The following SYNE2 variants were observed in gnomAD, a reference collection of about 807,000 sequenced individuals.
SYNE2 encodes nesprin-2.
SYNE2 carries 431 observed loss-of-function variants against 856.3 expected under a neutral mutation model. The ratio of observed to expected loss-of-function variants is 0.50; its 90% CI spans 0.47 to 0.55. The LOEUF is 0.55. SYNE2 is among the 20% of genes least tolerant of loss of function. SYNE2 has a pLI of 0.00. For synonymous variants in SYNE2, 2,923 were observed against 2,872.3 expected, an observed-to-expected ratio of 1.02 and a Z score of -0.56; for missense variants, 8,129 against 8,023.2, an observed-to-expected ratio of 1.01 and a Z score of -0.50.
At chr14:64,034,482 C>T in intron 45 of SYNE2, 1 of 495,890 alleles carries the variant, frequency 2.0e-6, no homozygotes. Flanking sequence ...TAGTAAATGT[C>T]ATTAATCTTA....
intron 7 of SYNE2, among the ~76,000 whole-genome samples, chr14:63,953,841 T>C (rs2096203726): frequency 6.6e-6 from 1 of 152,250 alleles, no homozygotes; most frequent in Admixed American, 6.5e-5. Flanking sequence ...TCATGTGGTA[T>C]TTGTCCTTTT....
At chr14:64,151,109 T>G (rs2098237840) in intron 84 of SYNE2, among the ~76,000 whole-genome samples, 1 of 152,190 alleles carries the variant, frequency 6.6e-6, no homozygotes, top group South Asian at 2.1e-4. Flanking sequence ...TCATCCGTTC[T>G]TACTCCCAAA....
chr14:64,065,498 T>C lies in SYNE2; in HGVS notation c.10279T>C (p.Leu3427=). The change falls in exon 51 of 116, where the codon TTG becomes CTG. Residue 3427 remains leucine (L), a synonymous_variant. Coordinates refer to ENST00000555002, the MANE Select transcript of SYNE2 (RefSeq NM_182914.3). The stretch of plus-strand genomic sequence containing the variant: ...GAAACTACGACAGATCCTTAGACTC[T>C]TGAGACTCAGGTGCACAGAAAATGA... The part of the protein sequence containing the change: ...LMKLRQILRL[L]RLRCTENDGI... 1 of 1,614,170 alleles carries C rather than the reference T, an allele frequency of 6.2e-7. No individual in the cohort carries two copies. The highest frequency in any genetic ancestry group is 1.1e-5 in the South Asian group (1 of 91,084).
chr14:64,004,360 T>G (rs751746420), intron 30 of SYNE2, among the ~76,000 whole-genome samples: 16 of 151,864 alleles, frequency 1.1e-4, no homozygotes, highest in Non-Finnish European at 1.6e-4. Flanking sequence ...AGACAGAGTC[T>G]TGCTCTGTTG....
intron 94 of SYNE2, among the ~76,000 whole-genome samples, chr14:64,171,387 GCAGA>G (rs2098409863): frequency 6.6e-6 from 1 of 152,132 alleles, no homozygotes; most frequent in African/African-American, 2.4e-5. Context: ...TCTCATAAGG[GCAGA>G]CAAAGTAGTA....
chr14:64,155,616 C>G (rs2098279698), intron 85 of SYNE2, among the ~76,000 whole-genome samples: 1 of 151,146 alleles, frequency 6.6e-6, no homozygotes, highest in South Asian at 2.1e-4. Flanking sequence ...CACAGATCAT[C>G]CATCTATAAG....
chr14:63,965,914 T>C (rs1332529167), intron 10 of SYNE2, among the ~76,000 whole-genome samples: 1 of 152,226 alleles, frequency 6.6e-6, no homozygotes, highest in Non-Finnish European at 1.5e-5. Flanking sequence ...TTCTCACATA[T>C]GTCTTTGATT....
intron 40 of SYNE2, 21 bp downstream of exon 40, chr14:64,025,052 A>C: frequency 6.2e-7 from 1 of 1,614,028 alleles, no homozygotes; most frequent in Non-Finnish European, 8.5e-7. Flanking sequence ...TCTTGTATGA[A>C]ATACATTACC....
intron 83 of SYNE2, among the ~76,000 whole-genome samples, chr14:64,145,193 C>A (rs1295434400): frequency 6.6e-6 from 1 of 151,784 alleles, no homozygotes; most frequent in Non-Finnish European, 1.5e-5. Context: ...TCCCAAAATG[C>A]TGGGATTACA....
At chr14:63,853,926 G>C (rs962839022) in intron 1 of SYNE2, among the ~76,000 whole-genome samples, 1 of 152,182 alleles carries the variant, frequency 6.6e-6, no homozygotes, top group Non-Finnish European at 1.5e-5. Context: ...AGGGCGGGGC[G>C]GGGGCTGTGT....
chr14:64,078,422 C>T, intron 54 of SYNE2, 44 bp from the exon 55 acceptor site: 1 of 1,609,886 alleles, frequency 6.2e-7, no homozygotes, highest in Non-Finnish European at 8.5e-7. Context: ...GAATAAAGTG[C>T]AGACAACCTC....
chr14:63,957,734 G>A (rs1192334683), intron 8 of SYNE2, among the ~76,000 whole-genome samples: 3 of 152,076 alleles, frequency 2.0e-5, no homozygotes, highest in African/African-American at 7.2e-5. Flanking sequence ...GGGTGTGGTG[G>A]TGCATGCCTG....
rs576831715 is a variant in SYNE2 at position 64,178,578 on chromosome 14, C to A, written c.17556+1095C>A. Among the ~76,000 whole-genome samples the A allele has an allele frequency of 5.3e-5, 8 of 151,890 alleles. No individual in the cohort carries two copies. In the South Asian group the frequency reaches 1.0e-3, roughly 20 times the overall value. On this transcript the variant is annotated intron_variant, in intron 96 of 115. Coordinates refer to ENST00000555002, the MANE Select transcript of SYNE2 (RefSeq NM_182914.3). ...GCTCAAGCGATCCTCCTACCTCAGC[C>A]CCCCCGAGTAGCCCAGAGTACAGGC...
chr14:63,892,050 A>G (rs1255339418), intron 1 of SYNE2, among the ~76,000 whole-genome samples: 1 of 152,188 alleles, frequency 6.6e-6, no homozygotes, highest in Non-Finnish European at 1.5e-5. Context: ...TGGCTGTCAT[A>G]AGTGTTTGCT....
At chr14:64,158,848 G>T in intron 86 of SYNE2, 53 bp downstream of exon 86, 1 of 1,590,112 alleles carries the variant, frequency 6.3e-7, no homozygotes, top group Non-Finnish European at 8.6e-7. Context: ...ATTACAAATG[G>T]GAGGAAGCAC....
At chr14:63,990,911 G>A (rs764300508) in intron 20 of SYNE2, 31 bp from the exon 21 acceptor site, 16 of 1,596,162 alleles carry the variant, frequency 1.0e-5, no homozygotes, top group Non-Finnish European at 1.4e-5. Context: ...ATTGGTCCCC[G>A]TGTTAATTTG....
Position 64,214,346 on chromosome 14 carries a change from G to A in SYNE2, c.19209G>A (p.Arg6403=), listed in dbSNP as rs767401015. The change falls in exon 106 of 116, where the codon CGG becomes CGA. Residue 6403 remains arginine (R), a synonymous_variant. Transcript: ENST00000555002. ...ATCTAGTGGCCCCAGGGCACGAGCG[G>A]TCTGGCTGCGAGACCCCTGTCAGCG... The part of the protein sequence containing the change: ...LCHLVAPGHE[R]SGCETPVSVD... 1 of 1,613,994 alleles carries A rather than the reference G, an allele frequency of 6.2e-7. No homozygotes were observed. Among genetic ancestry groups the A allele is most frequent in the African/African-American group, 1.3e-5 (1 of 74,884 alleles).
Position 64,225,754 on chromosome 14 carries a change from A to G in SYNE2, c.*228A>G. The G allele has an allele frequency of 3.3e-6, 2 of 606,656 alleles. No homozygotes were observed. The highest frequency in any genetic ancestry group is 1.9e-5 in the South Asian group (1 of 51,544). 37.6% of individuals were successfully genotyped at this position (606,656 alleles called of 1,614,324 possible). A position where few individuals can be genotyped will look rare whatever the true frequency, so the allele number is the denominator to read the frequency against. ...TGGCAGGTGCCCCGGGTATTTTGGCAGAACTAGTTGATTAGTTTAGGGATC... is the reference window on the plus strand; with the variant it reads ...TGGCAGGTGCCCCGGGTATTTTGGCGGAACTAGTTGATTAGTTTAGGGATC... On this transcript the variant is annotated 3_prime_UTR_variant, in exon 116 of 116. Transcript: ENST00000555002.
At chr14:63,915,822 T>C (rs565074641) in intron 2 of SYNE2, among the ~76,000 whole-genome samples, 1 of 152,350 alleles carries the variant, frequency 6.6e-6, no homozygotes, top group South Asian at 2.1e-4. Flanking sequence ...TCCATTTAAA[T>C]TTATTTATTA....
Sources: gnomAD v4.1 joint callset for allele counts (sites outside exome capture counted in the v4.1 genomes callset) on GRCh38, gnomAD v4.1.1 for gene constraint, MANE v1.5 for transcripts, NCBI Gene and HGNC (gene_info 2026-07-23, HGNC 2026-07-21) for gene names.